Variants in MIS18A observed in about 807,000 individuals in gnomAD.
The protein encoded by MIS18A is protein Mis18-alpha.
MIS18A carries 14 observed loss-of-function variants against 25.0 expected under a neutral mutation model. That is an observed-to-expected ratio of 0.56 (90% CI 0.37 to 0.88). The LOEUF (loss-of-function observed/expected upper bound fraction) is 0.88, where lower values mean the gene tolerates loss of function less well. Ranked by LOEUF, MIS18A falls within the 40% of genes least tolerant of loss-of-function variation. The probability of loss-of-function intolerance (pLI) is 0.00; values close to 1 mark genes in which losing one functional copy is unlikely to be tolerated. For synonymous variants in MIS18A, 134 were observed against 118.6 expected (o/e 1.13, Z -0.84); for missense variants, 292 against 290.8 (o/e 1.00, Z -0.03).
chr21:32,179,929 A>T, the MIS18A span, among the ~76,000 whole-genome samples: 1 of 152,204 alleles, frequency 6.6e-6, no homozygotes, highest in African/African-American at 2.4e-5. Context: ...CTAATTTCCA[A>T]GGTTAGTCCT....
the MIS18A span, among the ~76,000 whole-genome samples, chr21:32,233,741 G>C: frequency 6.6e-6 from 1 of 152,126 alleles, no homozygotes; most frequent in African/African-American, 2.4e-5. Context: ...AAATGGGATG[G>C]CTAGGGTTCA....
chr21:32,267,299 G>A (rs1056163658), downstream of MIS18A, among the ~76,000 whole-genome samples: 2 of 152,344 alleles, frequency 1.3e-5, no homozygotes, highest in East Asian at 1.9e-4. Context: ...TAATACAAAT[G>A]TGTGCTGGCT....
the MIS18A span, among the ~76,000 whole-genome samples, chr21:32,192,598 C>T: frequency 6.6e-6 from 1 of 152,206 alleles, no homozygotes; most frequent in Non-Finnish European, 1.5e-5. Context: ...GGATTCACCT[C>T]CCTCAGCCTC....
chr21:32,258,107 C>T, the MIS18A span, among the ~76,000 whole-genome samples: 6 of 152,162 alleles, frequency 3.9e-5, no homozygotes, highest in Non-Finnish European at 8.8e-5. Context: ...TGCCACCTCT[C>T]AGCCGGCAAC....
the MIS18A span, among the ~76,000 whole-genome samples, chr21:32,245,266 G>T: frequency 6.6e-6 from 1 of 152,120 alleles, no homozygotes; most frequent in African/African-American, 2.4e-5. Context: ...GCCTTCTAGC[G>T]GGCATCAGTC....
chr21:32,274,502 G>A (rs534311504), intron 2 of MIS18A, among the ~76,000 whole-genome samples: 121 of 152,112 alleles, frequency 8.0e-4, no homozygotes, highest in African/African-American at 2.7e-3. Context: ...CACCGTGCCC[G>A]ACCTTCTTTT....
chr21:32,198,818 A>G, the MIS18A span, among the ~76,000 whole-genome samples: 3 of 152,236 alleles, frequency 2.0e-5, no homozygotes, highest in East Asian at 3.9e-4. Context: ...GCTTTAGTCC[A>G]TATGTTATTA....
At chr21:32,201,686 A>C in the MIS18A span, among the ~76,000 whole-genome samples, 24,786 of 151,926 alleles carry the variant, frequency 0.16, 2,086 homozygotes, top group East Asian at 0.24. Flanking sequence ...CCTGGCATGC[A>C]CCTGTAGTCC....
At chr21:32,265,521 C>T (rs1255638870), downstream of MIS18A, among the ~76,000 whole-genome samples, 1 of 152,234 alleles carries the variant, frequency 6.6e-6, no homozygotes, top group Non-Finnish European at 1.5e-5. Flanking sequence ...AGTGCCGGCC[C>T]ACCGGCGCTG....
the MIS18A span, among the ~76,000 whole-genome samples, chr21:32,197,272 T>A: frequency 6.6e-6 from 1 of 150,538 alleles, no homozygotes; most frequent in Non-Finnish European, 1.5e-5. Flanking sequence ...CTTTGGTAGT[T>A]CCTTATGTCA....
At chr21:32,266,235 A>G (rs1254057657), downstream of MIS18A, among the ~76,000 whole-genome samples, 2 of 152,134 alleles carry the variant, frequency 1.3e-5, no homozygotes, top group Non-Finnish European at 2.9e-5. Flanking sequence ...GAAACTCTGT[A>G]TCTAACTAAT....
chr21:32,265,803 G>A (rs1382345350), downstream of MIS18A, among the ~76,000 whole-genome samples: 1 of 152,290 alleles, frequency 6.6e-6, no homozygotes, highest in Non-Finnish European at 1.5e-5. Context: ...CCTGAGTCTG[G>A]TGGGGACGTG....
chr21:32,202,150 G>A, the MIS18A span, among the ~76,000 whole-genome samples: 32 of 151,946 alleles, frequency 2.1e-4, no homozygotes, highest in South Asian at 1.5e-3. Context: ...TTAGCTGGGC[G>A]TGGTGATGCA....
the MIS18A span, among the ~76,000 whole-genome samples, chr21:32,157,223 A>ATTTTTTCTTTTTTTTTTTT: frequency 1.4e-5 from 1 of 72,334 alleles, no homozygotes; most frequent in African/African-American, 6.8e-5. Flanking sequence ...TACCCGGCTA[A>ATTTTTTCTTTTTTTTTTTT]TTTTTTTTTT....
intron 1 of MIS18A, chr21:32,278,391 A>C (rs993940760): frequency 4.5e-6 from 2 of 444,058 alleles, no homozygotes; most frequent in Non-Finnish European, 7.9e-6. Flanking sequence ...GGTCTTTAAA[A>C]GTGTTATTCT....
chr21:32,269,276 A>AT (rs1569013468), intron 4 of MIS18A, among the ~76,000 whole-genome samples, 159 bp from the exon 5 acceptor site: 2 of 152,216 alleles, frequency 1.3e-5, no homozygotes. Flanking sequence ...AGAGGCATAA[A>AT]TTTTTTAAAA....
the MIS18A span, among the ~76,000 whole-genome samples, chr21:32,216,254 T>C: frequency 1.3e-5 from 2 of 152,192 alleles, no homozygotes; most frequent in African/African-American, 2.4e-5. Context: ...TGCAGTACTC[T>C]GGAAAACCAA....
chr21:32,262,301 A>G, the MIS18A span, among the ~76,000 whole-genome samples: 4 of 152,246 alleles, frequency 2.6e-5, no homozygotes, highest in Admixed American at 2.0e-4. Flanking sequence ...GACAGTCAAA[A>G]AGCAGCTGTC....
intron 1 of MIS18A, among the ~76,000 whole-genome samples, chr21:32,275,217 A>T (rs895649646): frequency 2.6e-5 from 4 of 152,252 alleles, no homozygotes; most frequent in East Asian, 1.9e-4. Context: ...CTAAAAAAAA[A>T]TTTTTAAATA....
Sources: allele counts gnomAD v4.1 joint callset (sites outside exome capture counted in the v4.1 genomes callset), GRCh38; gene constraint gnomAD v4.1.1; transcripts MANE v1.5; gene names NCBI Gene and HGNC (gene_info 2026-07-23, HGNC 2026-07-21).